The following GSTM3 variants were observed in gnomAD, a reference collection of about 807,000 sequenced individuals.
GSTM3 encodes the protein GST class-mu 3.
GSTM3 carries 34 observed loss-of-function variants against 36.1 expected under a neutral mutation model. That is an observed-to-expected ratio of 0.94 (90% CI 0.72 to 1.25). GSTM3 has a LOEUF of 1.25. GSTM3 is among the 50% of genes most tolerant of loss of function. GSTM3 has a pLI of 0.00. For synonymous variants in GSTM3, 102 were observed against 99.5 expected, an observed-to-expected ratio of 1.03 and a Z score of -0.15; for missense variants, 266 against 281.6, an observed-to-expected ratio of 0.94 and a Z score of 0.40.
chr1:109,736,251 G>C lies in GSTM3; in HGVS notation c.*820C>G, dbSNP rs1024771569. 2.6e-5 allele frequency: 4 copies of C among 152,122 alleles called. No homozygotes were observed. The highest frequency in any genetic ancestry group is 9.6e-5 in the African/African-American group (4 of 41,514). The allele number at this position is 152,122 out of a possible 1,614,324, so 9.4% of individuals were successfully genotyped here. A position where few individuals can be genotyped will look rare whatever the true frequency, so the allele number is the denominator to read the frequency against. On this transcript the variant is annotated 3_prime_UTR_variant, in exon 9 of 9. Transcript: ENST00000361066. Reference sequence around the variant, plus strand: ...AACTCAGTTGTCTTAATGATTTATAGGTCTTTATATAATCTTTATACTAGT... The same window carrying C: ...AACTCAGTTGTCTTAATGATTTATACGTCTTTATATAATCTTTATACTAGT...
Position 109,736,925 on chromosome 1 carries a change from C to T in GSTM3, c.*146G>A. The T allele has an allele frequency of 1.6e-6, 1 of 606,742 alleles. No homozygotes were observed. The highest frequency in any genetic ancestry group is 1.9e-5 in the African/African-American group (1 of 53,972). 37.6% of individuals were successfully genotyped at this position (606,742 alleles called of 1,614,324 possible). On this transcript the variant is annotated 3_prime_UTR_variant, in exon 9 of 9. Coordinates refer to ENST00000361066, the MANE Select transcript of GSTM3 (RefSeq NM_000849.5). ...ATATCTTGATGATTCTCCACATATCCTTTTTCCCTTTTAGCCTTTATACCC... is the reference window on the plus strand; with the variant it reads ...ATATCTTGATGATTCTCCACATATCTTTTTTCCCTTTTAGCCTTTATACCC...
In GSTM3 at chr1:109,735,644, T is replaced by G. The variant is rs1156630309; in HGVS notation, c.*1427A>C. On this transcript the variant is annotated 3_prime_UTR_variant, in exon 9 of 9. Coordinates refer to ENST00000361066, the MANE Select transcript of GSTM3 (RefSeq NM_000849.5). ...ATGTCTCTTTGAATGTTTTTTTTTT[T>G]TTTTTTTTTTTTTTTTTGAGACAGA... 72 of 137,518 alleles carry G rather than the reference T, an allele frequency of 5.2e-4. No homozygotes were observed. Among genetic ancestry groups the G allele is most frequent in the African/African-American group, 1.9e-3 (69 of 36,032 alleles). The allele number at this position is 137,518 out of a possible 1,614,324, so 8.5% of individuals were successfully genotyped here.
intron 6 of GSTM3, 106 bp downstream of exon 6, chr1:109,737,985 T>C (rs753431598): frequency 1.1e-4 from 87 of 774,974 alleles, no homozygotes; most frequent in Non-Finnish European, 1.8e-4. Context: ...CAATCTGGAT[T>C]GGTGGGAAGG....
rs750755490 is a variant in GSTM3, at chr1:109,737,151, C to A, written c.598G>T (p.Ala200Ser). ...CAGAACTGATCAGACTGTAAGTAGG[C>A]AGCGATTTTCTCCAAAGCCTGAAAG... ...CRFEALEKIA[A>S]YLQSDQFCKM... The change falls in exon 9 of 9, where the codon GCC (alanine) becomes TCC (serine). Residue 200 changes from alanine (A) to serine (S), a missense_variant. By Grantham distance (99) the Ala-to-Ser change is moderately conservative. Transcript: ENST00000361066. 1.2e-6 allele frequency: 2 copies of A among 1,613,470 alleles called. No homozygotes were observed. Among genetic ancestry groups the A allele is most frequent in the Non-Finnish European group, 1.7e-6 (2 of 1,179,362 alleles).
rs1246462011 is a variant in GSTM3 at position 109,735,073 on chromosome 1, C to T, written c.*1998G>A. 1 of 152,216 alleles carries T rather than the reference C, an allele frequency of 6.6e-6. No individual in the cohort carries two copies. Among genetic ancestry groups the T allele is most frequent in the Non-Finnish European group, 1.5e-5 (1 of 68,032 alleles). The allele number at this position is 152,216 out of a possible 1,614,324, so 9.4% of individuals were successfully genotyped here. A position where few individuals can be genotyped will look rare whatever the true frequency, so the allele number is the denominator to read the frequency against. On this transcript the variant is annotated 3_prime_UTR_variant, in exon 9 of 9. Transcript: ENST00000361066. ...AGTCTTAGCCTTAACTTGGAAATGCCCTTTAACTTCCACCATGGAGTCTGG... is the reference window on the plus strand; with the variant it reads ...AGTCTTAGCCTTAACTTGGAAATGCTCTTTAACTTCCACCATGGAGTCTGG...
Position 109,737,440 on chromosome 1 carries a change from G to A in GSTM3, c.579+17C>T. On this transcript the variant is annotated intron_variant, in intron 8 of 8. Transcript: ENST00000361066. Reference sequence around the variant, plus strand: ...CCTGTGAGTGTTTTTATAAGAGAAAGGTGCAGGAAACGTCACCTCAAAACG... The same window carrying A: ...CCTGTGAGTGTTTTTATAAGAGAAAAGTGCAGGAAACGTCACCTCAAAACG... 1 of 1,463,398 alleles carries A rather than the reference G, an allele frequency of 6.8e-7. No individual in the cohort carries two copies. Among genetic ancestry groups the A allele is most frequent in the Non-Finnish European group, 9.6e-7 (1 of 1,042,352 alleles). The allele number at this position is 1,463,398 out of a possible 1,614,324, so 90.7% of individuals were successfully genotyped here.
Position 109,737,090 on chromosome 1 carries a change from C to T in GSTM3, c.659G>A (p.Gly220Asp). 6.2e-7 allele frequency: 1 copy of T among 1,610,132 alleles called. No homozygotes were observed. ...MPINNKMAQWGNKPVC is the reference protein window; with the variant it reads ...MPINNKMAQWDNKPVC Reference sequence around the variant, plus strand: ...TCCTGCTCAGCATACAGGCTTGTTGCCCCACTGGGCCATCTTGTTGTTGAT... The same window carrying T: ...TCCTGCTCAGCATACAGGCTTGTTGTCCCACTGGGCCATCTTGTTGTTGAT... Residue 220 changes from glycine (G) to aspartate (D), a missense_variant, in exon 9 of 9, where the codon GGC becomes GAC. Coordinates refer to ENST00000361066, the MANE Select transcript of GSTM3 (RefSeq NM_000849.5).
intron 2 of GSTM3, 115 bp from the exon 3 acceptor site, chr1:109,740,023 T>A: frequency 1.0e-6 from 1 of 980,488 alleles, no homozygotes; most frequent in Non-Finnish European, 1.5e-6. Context: ...GGGCGGTGGT[T>A]AAGCGGCCCC....
rs56153395 is a variant in GSTM3, at chr1:109,740,294, G to A, written c.-7C>T. 1.1e-3 allele frequency: 1,768 copies of A among 1,612,654 alleles called. 22 individuals are homozygous for A. In the African/African-American group the frequency reaches 0.021, roughly 19 times the overall value. ...TAGACGACTCGCACGACATGGTGACGGGCTTCCGAGCCTTCGAGGACTAGG... is the reference window on the plus strand; with the variant it reads ...TAGACGACTCGCACGACATGGTGACAGGCTTCCGAGCCTTCGAGGACTAGG... On this transcript the variant is annotated 5_prime_UTR_variant, in exon 2 of 9. Transcript: ENST00000361066.
intron 2 of GSTM3, 134 bp downstream of exon 2, chr1:109,740,106 C>A (rs1042131114): frequency 3.2e-6 from 3 of 942,758 alleles, no homozygotes; most frequent in African/African-American, 1.6e-5. Flanking sequence ...GGGCAGGGGT[C>A]GACATCCGTG....
At position 109,740,295 on chromosome 1, in the gene GSTM3, G is replaced by C. The variant is rs369740367; in HGVS notation, c.-8C>G. The C allele has an allele frequency of 7.4e-6, 12 of 1,612,960 alleles. No homozygotes were observed. The South Asian group carries it at 9.9e-5, about 13-fold the overall frequency. On this transcript the variant is annotated 5_prime_UTR_variant, in exon 2 of 9. Transcript: ENST00000361066. ...AGACGACTCGCACGACATGGTGACGGGCTTCCGAGCCTTCGAGGACTAGGG... is the reference window on the plus strand; with the variant it reads ...AGACGACTCGCACGACATGGTGACGCGCTTCCGAGCCTTCGAGGACTAGGG...
At chr1:109,738,022 A>G in intron 6 of GSTM3, 69 bp downstream of exon 6, 1 of 950,126 alleles carries the variant, frequency 1.1e-6, no homozygotes. Flanking sequence ...GAACAGAGAT[A>G]ACCCTTGGGT....
chr1:109,740,513 T>C lies in GSTM3; in HGVS notation c.-224-2A>G. The C allele has an allele frequency of 3.5e-6, 2 of 574,912 alleles. No individual in the cohort carries two copies. The highest frequency in any genetic ancestry group is 3.2e-5 in the Admixed American group (1 of 31,162). The allele number at this position is 574,912 out of a possible 1,614,324, so 35.6% of individuals were successfully genotyped here. On this transcript the variant is annotated splice_acceptor_variant, in intron 1 of 8. Coordinates refer to ENST00000361066, the MANE Select transcript of GSTM3 (RefSeq NM_000849.5). LOFTEE classifies it low-confidence loss of function (5UTR_SPLICE). ...CGAGGCGGGACCCGGGCAGGAGTGC[T>C]GCAGGAGAGCAAAGGACCCGAGGTT...
rs748308839 is a variant in GSTM3, at chr1:109,740,353, A to G, written c.-66T>C. ...GAGCGGGAGGGGCTTTATACCCGAC[A>G]TAAGGGGGCGGGGCCCACGCGCGGG... On this transcript the variant is annotated 5_prime_UTR_variant, in exon 2 of 9. The change abolishes an upstream ATG in the 5' untranslated region. Transcript: ENST00000361066. 2.8e-6 allele frequency: 4 copies of G among 1,421,282 alleles called. No homozygotes were observed. In the East Asian group the frequency reaches 7.1e-5, roughly 25 times the overall value. 88.0% of individuals were successfully genotyped at this position (1,421,282 alleles called of 1,614,324 possible).
chr1:109,740,748 C>G (rs1268457336), intron 1 of GSTM3, among the ~76,000 whole-genome samples: 1 of 152,214 alleles, frequency 6.6e-6, no homozygotes, highest in African/African-American at 2.4e-5. Context: ...TCTGACCACA[C>G]AGAGCAGAAG....
rs780749059 is a variant in GSTM3, at chr1:109,740,304, G to A, written c.-17C>T. 30 of 1,611,716 alleles carry A rather than the reference G, an allele frequency of 1.9e-5. No homozygotes were observed. Among genetic ancestry groups the A allele is most frequent in the Middle Eastern group, 1.7e-4 (1 of 6,060 alleles). Reference sequence around the variant, plus strand: ...GCACGACATGGTGACGGGCTTCCGAGCCTTCGAGGACTAGGGAAACTGTGA... The same window carrying A: ...GCACGACATGGTGACGGGCTTCCGAACCTTCGAGGACTAGGGAAACTGTGA... On this transcript the variant is annotated 5_prime_UTR_variant, in exon 2 of 9. Coordinates refer to ENST00000361066, the MANE Select transcript of GSTM3 (RefSeq NM_000849.5).
rs774844653 is a variant in GSTM3 at position 109,740,381 on chromosome 1, C to G, written c.-94G>C. On this transcript the variant is annotated 5_prime_UTR_variant, in exon 2 of 9. Coordinates refer to ENST00000361066, the MANE Select transcript of GSTM3 (RefSeq NM_000849.5). ...AGGGGGCGGGGCCCACGCGCGGGCG[C>G]CCTGACTCCGCCTCCGCCCCGTTCT... The G allele has an allele frequency of 8.8e-7, 1 of 1,135,276 alleles. No individual in the cohort carries two copies. The highest frequency in any genetic ancestry group is 1.4e-5 in the South Asian group (1 of 73,084). 70.3% of individuals were successfully genotyped at this position (1,135,276 alleles called of 1,614,324 possible). A position where few individuals can be genotyped will look rare whatever the true frequency, so the allele number is the denominator to read the frequency against.
intron 2 of GSTM3, 93 bp from the exon 3 acceptor site, chr1:109,740,001 T>C (rs1449557150): frequency 2.0e-5 from 22 of 1,108,816 alleles, no homozygotes; most frequent in Non-Finnish European, 2.8e-5. Flanking sequence ...GCCGAGTCCC[T>C]GCGTCCTGCC....
chr1:109,738,848 CA>C (rs796429078), intron 4 of GSTM3, among the ~76,000 whole-genome samples: 15 of 152,288 alleles, frequency 9.8e-5, no homozygotes, highest in African/African-American at 3.6e-4. Flanking sequence ...AGGCTGGGCA[CA>C]GTGGCTCATG....
Sources: allele counts gnomAD v4.1 joint callset (sites outside exome capture counted in the v4.1 genomes callset), GRCh38; gene constraint gnomAD v4.1.1; transcripts MANE v1.5; gene names NCBI Gene and HGNC (gene_info 2026-07-23, HGNC 2026-07-21).